The following LANCL1 variants were observed in gnomAD, a reference collection of about 807,000 sequenced individuals.
The protein encoded by LANCL1 is LanC like glutathione S-transferase 1, also known as glutathione S-transferase LANCL1.
LANCL1 carries 50 observed loss-of-function variants against 50.6 expected under a neutral mutation model. That is an observed-to-expected ratio of 0.99 (90% CI 0.79 to 1.25). The LOEUF (loss-of-function observed/expected upper bound fraction) is 1.25, where lower values mean the gene tolerates loss of function less well. Among genes scored for constraint, LANCL1 ranks in the 50% most tolerant of loss-of-function variants. The pLI is 0.00. For missense variants in LANCL1, 532 were observed against 480.7 expected, an observed-to-expected ratio of 1.11 and a Z score of -1.00; for synonymous variants, 188 against 178.6, an observed-to-expected ratio of 1.05 and a Z score of -0.42.
intron 4 of LANCL1, among the ~76,000 whole-genome samples, chr2:210,445,045 T>C (rs1452027188): frequency 1.3e-5 from 2 of 152,150 alleles, no homozygotes; most frequent in Non-Finnish European, 2.9e-5. Flanking sequence ...ACAATGAATA[T>C]CTCAAGTTTT....
At chr2:210,452,827 C>G (rs1393166704) in intron 4 of LANCL1, among the ~76,000 whole-genome samples, 1 of 152,054 alleles carries the variant, frequency 6.6e-6, no homozygotes, top group Non-Finnish European at 1.5e-5. Flanking sequence ...CTAGCTAGAA[C>G]ATGATGTTGG....
intron 2 of LANCL1, among the ~76,000 whole-genome samples, chr2:210,473,946 T>A (rs1694289392): frequency 6.6e-6 from 1 of 152,228 alleles, no homozygotes; most frequent in Non-Finnish European, 1.5e-5. Flanking sequence ...AGTGCATCTA[T>A]ATTGAGAACA....
chr2:210,464,015 C>T (rs796694861), intron 3 of LANCL1, among the ~76,000 whole-genome samples: 23 of 152,244 alleles, frequency 1.5e-4, no homozygotes, highest in Middle Eastern at 6.8e-3. Context: ...AAAATAAAAG[C>T]CAAGATAATT....
At chr2:210,442,676 A>G (rs1296351305) in intron 4 of LANCL1, 2 of 152,266 alleles carry the variant, frequency 1.3e-5, no homozygotes, top group African/African-American at 4.8e-5. Context: ...GAGGACAGGA[A>G]TCTGAAGTAG....
chr2:210,439,306 A>C (rs1693045225), intron 6 of LANCL1, among the ~76,000 whole-genome samples: 1 of 152,230 alleles, frequency 6.6e-6, no homozygotes, highest in African/African-American at 2.4e-5. Context: ...ACAAGGAGGC[A>C]GAGTATGTCT....
At chr2:210,475,625 A>G (rs979788243) in intron 2 of LANCL1, among the ~76,000 whole-genome samples, 1 of 152,158 alleles carries the variant, frequency 6.6e-6, no homozygotes, top group African/African-American at 2.4e-5. Flanking sequence ...GAGCCACTGC[A>G]CCCAGCCAAA....
At chr2:210,434,601 A>G (rs765743428) in intron 9 of LANCL1, 38 bp from the exon 10 acceptor site, 8 of 1,495,788 alleles carry the variant, frequency 5.3e-6, no homozygotes, top group Non-Finnish European at 9.3e-7. Context: ...ATTATACCAA[A>G]TGACTCCATT....
intron 3 of LANCL1, among the ~76,000 whole-genome samples, chr2:210,461,829 G>T (rs1005118734): frequency 6.6e-6 from 1 of 151,854 alleles, no homozygotes; most frequent in Non-Finnish European, 1.5e-5. Context: ...ATGAAATAAG[G>T]GCTAGCATTT....
At chr2:210,443,487 C>T (rs759565156) in intron 4 of LANCL1, among the ~76,000 whole-genome samples, 1 of 152,130 alleles carries the variant, frequency 6.6e-6, no homozygotes, top group African/African-American at 2.4e-5. Flanking sequence ...CGACATTAGC[C>T]CTAACAAATG....
chr2:210,441,552 A>G, intron 4 of LANCL1, 109 bp from the exon 5 acceptor site: 2 of 808,620 alleles, frequency 2.5e-6, no homozygotes, highest in Non-Finnish European at 3.9e-6. Context: ...ATATGTATTT[A>G]TACATATATA....
chr2:210,448,565 G>T (rs372463687), intron 4 of LANCL1, among the ~76,000 whole-genome samples: 96 of 152,214 alleles, frequency 6.3e-4, no homozygotes, highest in African/African-American at 2.3e-3. Context: ...GAATCCCAGA[G>T]TTGGTTTTTT....
chr2:210,470,308 T>G (rs1159200491), intron 3 of LANCL1, among the ~76,000 whole-genome samples: 1 of 152,140 alleles, frequency 6.6e-6, no homozygotes. Context: ...ATAAAAATGA[T>G]AAAACAATAA....
chr2:210,433,108 A>T lies in LANCL1; in HGVS notation c.*1379T>A, dbSNP rs1692801037. The T allele has an allele frequency of 6.6e-6, 1 of 152,618 alleles. No individual in the cohort carries two copies. Among genetic ancestry groups the T allele is most frequent in the Non-Finnish European group, 1.5e-5 (1 of 68,042 alleles). The allele number at this position is 152,618 out of a possible 1,614,324, so 9.5% of individuals were successfully genotyped here. A position where few individuals can be genotyped will look rare whatever the true frequency, so the allele number is the denominator to read the frequency against. On this transcript the variant is annotated 3_prime_UTR_variant, in exon 10 of 10. Transcript: ENST00000450366. ...AGAGAGCTGTGAAATAGGCACATTT[A>T]AAATACTTAGACCCTGTTATTTTAA...
chr2:210,459,249 G>T (rs1693765355), intron 3 of LANCL1, among the ~76,000 whole-genome samples: 1 of 151,896 alleles, frequency 6.6e-6, no homozygotes, highest in Admixed American at 6.6e-5. Context: ...ACAAGCAGAA[G>T]AATGAAATTT....
At chr2:210,459,862 T>C (rs1437039138) in intron 3 of LANCL1, among the ~76,000 whole-genome samples, 1 of 152,034 alleles carries the variant, frequency 6.6e-6, no homozygotes, top group Admixed American at 6.5e-5. Context: ...TTTTTTTTTT[T>C]CCTGTAGCTA....
At position 210,433,899 on chromosome 2, in the gene LANCL1, A is replaced by G. The variant is rs1692830832; in HGVS notation, c.*588T>C. 6.6e-6 allele frequency: 1 copy of G among 152,222 alleles called. No individual in the cohort carries two copies. The highest frequency in any genetic ancestry group is 2.4e-5 in the African/African-American group (1 of 41,452). The allele number at this position is 152,222 out of a possible 1,614,324, so 9.4% of individuals were successfully genotyped here. ...CCAATCTGAAAGTATGTTTACCTCT[A>G]GTCCAAATAGGCATCAAGAATTTAA... On this transcript the variant is annotated 3_prime_UTR_variant, in exon 10 of 10. Transcript: ENST00000450366.
Position 210,437,775 on chromosome 2 carries a change from G to A in LANCL1, c.788C>T (p.Pro263Leu). The change falls in exon 7 of 10, where the codon CCA becomes CTA. Residue 263 changes from proline to leucine, a missense_variant. Transcript: ENST00000450366. ...QLKFPSGNYP[P>L]CIGDNRDLLV... ...CAGATCTCGATTATCACCTATACAT[G>A]GAGGGTAATTGCCAGAAGGGAATTT... 6.2e-7 allele frequency: 1 copy of A among 1,613,306 alleles called. No individual in the cohort carries two copies. The highest frequency in any genetic ancestry group is 1.1e-5 in the South Asian group (1 of 91,002).
chr2:210,445,917 G>T (rs1007136555), intron 4 of LANCL1, among the ~76,000 whole-genome samples: 2 of 152,176 alleles, frequency 1.3e-5, no homozygotes, highest in Non-Finnish European at 2.9e-5. Context: ...CAGATGTCCA[G>T]TGTCTGGGCA....
intron 2 of LANCL1, among the ~76,000 whole-genome samples, chr2:210,475,517 G>T (rs1009323575): frequency 1.3e-5 from 2 of 152,082 alleles, no homozygotes; most frequent in Admixed American, 1.3e-4. Flanking sequence ...AATTTTAGTA[G>T]AGATAAGGTC....
Sources: gnomAD v4.1 joint callset for allele counts (sites outside exome capture counted in the v4.1 genomes callset) on GRCh38, gnomAD v4.1.1 for gene constraint, MANE v1.5 for transcripts, NCBI Gene and HGNC (gene_info 2026-07-23, HGNC 2026-07-21) for gene names.